The following PDCD11 variants were observed in gnomAD, a reference collection of about 807,000 sequenced individuals.
PDCD11 encodes the protein programmed cell death 11.
In PDCD11, 97 loss-of-function variants were observed where a neutral mutation model predicts 198.9. That is an observed-to-expected ratio of 0.49 (90% CI 0.41 to 0.58). The LOEUF is 0.58. Among genes scored for constraint, PDCD11 ranks in the 20% least tolerant of loss-of-function variants. The probability of loss-of-function intolerance (pLI) is 0.00; values close to 1 mark genes in which losing one functional copy is unlikely to be tolerated. For missense variants in PDCD11, 2,102 were observed against 2,312.7 expected, an observed-to-expected ratio of 0.91 and a Z score of 1.87; for synonymous variants, 893 against 918.0, an observed-to-expected ratio of 0.97 and a Z score of 0.49.
At chr10:103,406,161 A>G in intron 6 of PDCD11, 53 bp downstream of exon 6, 1 of 1,592,298 alleles carries the variant, frequency 6.3e-7, no homozygotes, top group Non-Finnish European at 8.6e-7. Flanking sequence ...ACATGTGGGG[A>G]TTATATTTAA....
intron 12 of PDCD11, 58 bp from the exon 13 acceptor site, chr10:103,416,433 A>T: frequency 6.3e-7 from 1 of 1,584,260 alleles, no homozygotes; most frequent in Non-Finnish European, 8.6e-7. Context: ...TGCAGAGACC[A>T]GCTCAGTGGC....
chr10:103,440,872 G>T, intron 30 of PDCD11, 22 bp downstream of exon 30: 1 of 1,532,576 alleles, frequency 6.5e-7, no homozygotes, highest in South Asian at 1.2e-5. Flanking sequence ...GTCGCGGGGA[G>T]GGGAAGGCTG....
intron 1 of PDCD11, among the ~76,000 whole-genome samples, chr10:103,397,365 T>C (rs578257804): frequency 1.3e-5 from 2 of 152,318 alleles, no homozygotes; most frequent in African/African-American, 4.8e-5. Context: ...TCGCTTTCCC[T>C]GCTTAAGTCT....
At position 103,440,517 on chromosome 10, in the gene PDCD11, A is replaced by G. The variant is rs779754839; in HGVS notation, c.4376A>G (p.Gln1459Arg). Residue 1459 changes from glutamine (Q) to arginine (R), a missense_variant, in exon 29 of 36, where the codon CAG (glutamine) becomes CGG (arginine). Coordinates refer to ENST00000369797, the MANE Select transcript of PDCD11 (RefSeq NM_014976.2). ...EVEMPSKEKQQPQKPQAQKRG... is the reference protein window; with the variant it reads ...EVEMPSKEKQRPQKPQAQKRG... ...GAGATGCCCAGCAAGGAGAAGCAAC[A>G]GCCCCAGAAGCCACAGGCGCAGAAG... The G allele has an allele frequency of 1.2e-6, 2 of 1,613,512 alleles. No individual in the cohort carries two copies. Among genetic ancestry groups the G allele is most frequent in the Non-Finnish European group, 1.7e-6 (2 of 1,179,968 alleles).
In PDCD11 at chr10:103,441,176, G is replaced by C. The variant is rs190198158; in HGVS notation, c.4557+326G>C. Among the ~76,000 whole-genome samples, 1,113 of 152,274 alleles carry C rather than the reference G, an allele frequency of 7.3e-3. 16 individuals are homozygous for C. Among genetic ancestry groups the C allele is most frequent in the South Asian group, 0.064 (311 of 4,824 alleles). ...ACCTGGGCTGAGAGGACCGGGTATG[G>C]GATGGCTTATAACCATCTGGGCAGG... On this transcript the variant is annotated intron_variant, in intron 30 of 35. Transcript: ENST00000369797.
chr10:103,431,900 T>C (rs1453058690), intron 21 of PDCD11, among the ~76,000 whole-genome samples: 1 of 152,250 alleles, frequency 6.6e-6, no homozygotes. Flanking sequence ...TATTGTGGGC[T>C]ACCTGCTTTA....
At position 103,442,431 on chromosome 10, in the gene PDCD11, T is replaced by C. The variant is rs1280964421; in HGVS notation, c.4926T>C (p.Ala1642=). The part of the protein sequence containing the change: ...ATEIEKARAV[A]ERALKTISFR... ...AGATCGAGAAGGCCCGTGCCGTGGC[T>C]GAGAGGGCCCTTAAGACCATCTCCT... Residue 1642 remains alanine, a synonymous_variant, in exon 32 of 36, where the codon GCT becomes GCC. Coordinates refer to ENST00000369797, the MANE Select transcript of PDCD11 (RefSeq NM_014976.2). 1 of 1,614,006 alleles carries C rather than the reference T, an allele frequency of 6.2e-7. No homozygotes were observed. Among genetic ancestry groups the C allele is most frequent in the Non-Finnish European group, 8.5e-7 (1 of 1,180,048 alleles).
chr10:103,406,813 C>T (rs1375185513), intron 7 of PDCD11, 23 bp downstream of exon 7: 1 of 1,543,574 alleles, frequency 6.5e-7, no homozygotes, highest in Non-Finnish European at 8.8e-7. Context: ...GCTACTACTA[C>T]TTTTTAAAAT....
At chr10:103,442,655 T>A (rs1315042285) in intron 32 of PDCD11, among the ~76,000 whole-genome samples, 195 bp downstream of exon 32, 1 of 152,200 alleles carries the variant, frequency 6.6e-6, no homozygotes, top group Non-Finnish European at 1.5e-5. Flanking sequence ...TATTTTATAG[T>A]CTTCTTCCCT....
rs140429035 is a variant in PDCD11, at chr10:103,427,339, A to G, written c.3316A>G (p.Ile1106Val). ...RDMKTFKYLPISHPRFVRTIP... is the reference protein window; with the variant it reads ...RDMKTFKYLPVSHPRFVRTIP... Reference sequence around the variant, plus strand: ...TATTTGTTTCTCCAGGTATCTCCCAATAAGTCACCCCAGATTCGTTCGAAC... The same window carrying G: ...TATTTGTTTCTCCAGGTATCTCCCAGTAAGTCACCCCAGATTCGTTCGAAC... The change falls in exon 21 of 36, where the codon ATA becomes GTA. Residue 1106 changes from isoleucine to valine, a missense_variant. Physicochemically the swap from Ile to Val is conservative, Grantham distance 29. Transcript: ENST00000369797. The G allele has an allele frequency of 1.7e-5, 27 of 1,613,530 alleles. No individual in the cohort carries two copies. In the African/African-American group the frequency reaches 2.4e-4, roughly 14 times the overall value.
At chr10:103,408,535 A>G (rs1457708253) in intron 7 of PDCD11, among the ~76,000 whole-genome samples, 2 of 151,716 alleles carry the variant, frequency 1.3e-5, no homozygotes, top group Admixed American at 1.3e-4. Flanking sequence ...TAAAATTTTT[A>G]TAATTATTTA....
chr10:103,423,779 C>A, intron 19 of PDCD11, 121 bp downstream of exon 19: 1 of 680,558 alleles, frequency 1.5e-6, no homozygotes, highest in Non-Finnish European at 2.6e-6. Context: ...CTGGATGGAT[C>A]CAGGACACCC....
At chr10:103,419,792 T>A in intron 16 of PDCD11, 84 bp downstream of exon 16, 2 of 1,241,082 alleles carry the variant, frequency 1.6e-6, no homozygotes, top group South Asian at 2.9e-5. Flanking sequence ...AGTAGGATAC[T>A]TTATTCCTTT....
At chr10:103,414,397 G>T in intron 11 of PDCD11, 67 bp downstream of exon 11, 2 of 1,134,366 alleles carry the variant, frequency 1.8e-6, no homozygotes, top group South Asian at 2.5e-5. Context: ...ACGCACAGGT[G>T]ACTGTCAGCC....
Position 103,433,953 on chromosome 10 carries a change from TGTG to T in PDCD11, c.3484_3486del (p.Val1162del), listed in dbSNP as rs780072245. On this transcript the variant is annotated inframe_deletion, in exon 23 of 36. Coordinates refer to ENST00000369797, the MANE Select transcript of PDCD11 (RefSeq NM_014976.2). ...GGTTCCTTTTTTTCCCTCAGTACAA[TGTG>T]GTGAAGAAATGGCTTGAGGTGGAGA... The T allele has an allele frequency of 2.5e-6, 4 of 1,611,866 alleles. No individual in the cohort carries two copies. In the South Asian group the frequency reaches 4.4e-5, roughly 18 times the overall value.
At chr10:103,413,012 T>C in intron 8 of PDCD11, 104 bp from the exon 9 acceptor site, 2 of 821,696 alleles carry the variant, frequency 2.4e-6, no homozygotes, top group Non-Finnish European at 4.2e-6. Context: ...ATGTGAGTAC[T>C]CACATACCTG....
chr10:103,441,477 A>T (rs754791906), intron 30 of PDCD11, among the ~76,000 whole-genome samples: 1 of 151,806 alleles, frequency 6.6e-6, no homozygotes, highest in Non-Finnish European at 1.5e-5. Flanking sequence ...CTGGTCTCGA[A>T]CTCCTGACTT....
At position 103,439,884 on chromosome 10, in the gene PDCD11, T is replaced by TTC. The variant is rs374419650; in HGVS notation, c.4148+28_4148+29dup. ...GGGTCCTACGGTAGGTGCCTTCCCG[T>TTC]TCTCTCTCTCTCTGTAATGTGAATC... On this transcript the variant is annotated intron_variant, in intron 28 of 35. Coordinates refer to ENST00000369797, the MANE Select transcript of PDCD11 (RefSeq NM_014976.2). The TTC allele has an allele frequency of 1.3e-5, 21 of 1,607,988 alleles. No homozygotes were observed. Among genetic ancestry groups the TTC allele is most frequent in the Non-Finnish European group, 1.6e-5 (19 of 1,175,362 alleles).
rs755916380 is a variant in PDCD11 at position 103,440,459 on chromosome 10, GAGA to G, written c.4326_4328del (p.Lys1442del). On this transcript the variant is annotated inframe_deletion, in exon 29 of 36. Coordinates refer to ENST00000369797, the MANE Select transcript of PDCD11 (RefSeq NM_014976.2). ...GGAAAAGAAAAATCAGAAAAGGAAC[GAGA>G]AGAAGAACCAGAAGGGGCAGGAGGA... 13 of 1,613,946 alleles carry G rather than the reference GAGA, an allele frequency of 8.1e-6. No individual in the cohort carries two copies. Among genetic ancestry groups the G allele is most frequent in the South Asian group, 7.7e-5 (7 of 91,062 alleles).
Sources: gnomAD v4.1 joint callset for allele counts (sites outside exome capture counted in the v4.1 genomes callset) on GRCh38, gnomAD v4.1.1 for gene constraint, MANE v1.5 for transcripts, NCBI Gene and HGNC (gene_info 2026-07-23, HGNC 2026-07-21) for gene names.